The following KSR2 variants were observed in gnomAD, a reference collection of about 807,000 sequenced individuals.
KSR2 encodes kinase suppressor of ras 2.
A neutral mutation model predicts 107.8 loss-of-function variants in KSR2; 25 were observed. The ratio of observed to expected loss-of-function variants is 0.23; its 90% CI spans 0.17 to 0.32. The LOEUF (loss-of-function observed/expected upper bound fraction) is 0.32, where lower values mean the gene tolerates loss of function less well. Among genes scored for constraint, KSR2 ranks in the 10% least tolerant of loss-of-function variants. The pLI is 1.00. For missense variants in KSR2, 887 were observed against 1,268.9 expected, an observed-to-expected ratio of 0.70 and a Z score of 4.57; for synonymous variants, 480 against 507.0, an observed-to-expected ratio of 0.95 and a Z score of 0.71.
At chr12:117,934,644 C>T (rs1253809681) in intron 1 of KSR2, among the ~76,000 whole-genome samples, 8 of 152,136 alleles carry the variant, frequency 5.3e-5, no homozygotes, top group Admixed American at 3.3e-4. Flanking sequence ...TTCTCACACT[C>T]GCAAACAAAG....
intron 14 of KSR2, among the ~76,000 whole-genome samples, chr12:117,501,091 A>T (rs887032588): frequency 1.3e-5 from 2 of 152,252 alleles, no homozygotes; most frequent in Admixed American, 6.5e-5. Context: ...GCTAAGAATG[A>T]TTTGATACTC....
At chr12:117,763,785 T>C (rs1593212485) in intron 3 of KSR2, among the ~76,000 whole-genome samples, 1 of 152,270 alleles carries the variant, frequency 6.6e-6, no homozygotes, top group East Asian at 1.9e-4. Flanking sequence ...CGGGGAAAAC[T>C]AGAGCCCAAT....
intron 1 of KSR2, among the ~76,000 whole-genome samples, chr12:117,921,839 G>A (rs945409233): frequency 2.6e-5 from 4 of 152,104 alleles, no homozygotes; most frequent in Non-Finnish European, 2.9e-5. Context: ...ATGTACCCAC[G>A]AGAAGATGCA....
chr12:117,846,909 C>G (rs1892725973), intron 3 of KSR2, among the ~76,000 whole-genome samples: 1 of 152,248 alleles, frequency 6.6e-6, no homozygotes, highest in Non-Finnish European at 1.5e-5. Context: ...CCACTGTTAT[C>G]CCCAACCCCT....
intron 5 of KSR2, among the ~76,000 whole-genome samples, chr12:117,613,591 G>A (rs1881717077): frequency 6.6e-6 from 1 of 152,244 alleles, no homozygotes; most frequent in Non-Finnish European, 1.5e-5. Context: ...GACACAACCT[G>A]TAAGTGAGGG....
intron 5 of KSR2, among the ~76,000 whole-genome samples, chr12:117,630,274 CAG>C (rs1280050787): frequency 1.3e-5 from 2 of 152,070 alleles, no homozygotes; most frequent in Non-Finnish European, 2.9e-5. Context: ...GTGTTCTAGG[CAG>C]AGAGAACAGC....
intron 14 of KSR2, among the ~76,000 whole-genome samples, chr12:117,496,225 G>A (rs1372971746): frequency 1.3e-5 from 2 of 152,158 alleles, no homozygotes; most frequent in Non-Finnish European, 2.9e-5. Context: ...GCTTCATAGG[G>A]AGGGAGTATT....
intron 3 of KSR2, among the ~76,000 whole-genome samples, chr12:117,773,364 G>C (rs926193672): frequency 6.6e-6 from 1 of 152,142 alleles, no homozygotes; most frequent in African/African-American, 2.4e-5. Flanking sequence ...TTTTTCACTT[G>C]ACATTCTCTG....
At chr12:117,761,782 T>C (rs1220222158) in intron 3 of KSR2, among the ~76,000 whole-genome samples, 1 of 151,596 alleles carries the variant, frequency 6.6e-6, no homozygotes, top group East Asian at 1.9e-4. Flanking sequence ...TGTTATATCA[T>C]ATGCACATCA....
At chr12:117,898,681 G>A (rs535850078) in intron 1 of KSR2, among the ~76,000 whole-genome samples, 1 of 151,806 alleles carries the variant, frequency 6.6e-6, no homozygotes, top group Non-Finnish European at 1.5e-5. Flanking sequence ...GGGGTACAGT[G>A]TCCATCAACA....
At chr12:117,797,627 T>TTTATATTATATATTATATTATA (rs370071244) in intron 3 of KSR2, among the ~76,000 whole-genome samples, 3 of 148,350 alleles carry the variant, frequency 2.0e-5, no homozygotes, top group East Asian at 4.0e-4. Context: ...AACGATTAAT[T>TTTATATTATATATTATATTATA]TTATATTATA....
intron 5 of KSR2, among the ~76,000 whole-genome samples, chr12:117,658,200 GC>G (rs1470626670): frequency 1.3e-5 from 2 of 152,260 alleles, no homozygotes; most frequent in Non-Finnish European, 2.9e-5. Context: ...AAGGATCTGG[GC>G]TGTAGACTAT....
intron 12 of KSR2, among the ~76,000 whole-genome samples, chr12:117,529,701 C>T (rs1565886027): frequency 6.6e-6 from 1 of 151,970 alleles, no homozygotes. Context: ...TGTCATTTTA[C>T]ACCCATTAAA....
chr12:117,933,462 C>T (rs1194063479), intron 1 of KSR2, among the ~76,000 whole-genome samples: 1 of 151,836 alleles, frequency 6.6e-6, no homozygotes, highest in Non-Finnish European at 1.5e-5. Context: ...TGGTGGCGGG[C>T]GCCTGTGGTC....
chr12:117,729,735 T>C (rs1887584215), intron 4 of KSR2, among the ~76,000 whole-genome samples: 1 of 152,192 alleles, frequency 6.6e-6, no homozygotes, highest in Non-Finnish European at 1.5e-5. Flanking sequence ...AAACATTCAT[T>C]GAGCCTTTAA....
intron 3 of KSR2, among the ~76,000 whole-genome samples, chr12:117,815,345 T>C (rs1891330627): frequency 6.6e-6 from 1 of 152,092 alleles, no homozygotes; most frequent in Admixed American, 6.5e-5. Context: ...ATGAAAAAGA[T>C]CAAGACCACT....
intron 4 of KSR2, among the ~76,000 whole-genome samples, chr12:117,679,433 T>G (rs1445263198): frequency 6.6e-6 from 1 of 152,242 alleles, no homozygotes; most frequent in Non-Finnish European, 1.5e-5. Flanking sequence ...GAGCACACTC[T>G]AAGTGTGATG....
chr12:117,958,021 C>T (rs760062422), intron 1 of KSR2, among the ~76,000 whole-genome samples: 4 of 151,986 alleles, frequency 2.6e-5, no homozygotes, highest in South Asian at 2.1e-4. Context: ...TTAGTAGAGA[C>T]GGGGTTTCGC....
chr12:117,807,223 G>C (rs570190663), intron 3 of KSR2, among the ~76,000 whole-genome samples: 1 of 152,074 alleles, frequency 6.6e-6, no homozygotes, highest in African/African-American at 2.4e-5. Context: ...AGTGATTCCC[G>C]GGCCTCTTGG....
Sources: gnomAD v4.1 joint callset for allele counts (sites outside exome capture counted in the v4.1 genomes callset) on GRCh38, gnomAD v4.1.1 for gene constraint, MANE v1.5 for transcripts, NCBI Gene and HGNC (gene_info 2026-07-23, HGNC 2026-07-21) for gene names.